Variants in KCNU1 observed in about 807,000 individuals in gnomAD.
KCNU1 encodes potassium channel subfamily U member 1.
In KCNU1, 93 loss-of-function variants were observed where a neutral mutation model predicts 126.8. The ratio of observed to expected loss-of-function variants is 0.73; its 90% CI spans 0.62 to 0.87. KCNU1 has a LOEUF of 0.87. KCNU1 is among the 40% of genes least tolerant of loss of function. The pLI, the probability that KCNU1 is intolerant of heterozygous loss-of-function variation, is 0.00. For synonymous variants in KCNU1, 523 were observed against 494.2 expected, an observed-to-expected ratio of 1.06 and a Z score of -0.77; for missense variants, 1,330 against 1,367.1, an observed-to-expected ratio of 0.97 and a Z score of 0.43.
chr8:36,811,325 A>G (rs1803702131), intron 7 of KCNU1, among the ~76,000 whole-genome samples: 1 of 152,124 alleles, frequency 6.6e-6, no homozygotes, highest in African/African-American at 2.4e-5. Flanking sequence ...TTCTAATCAT[A>G]TATTGGAGCA....
intron 26 of KCNU1, among the ~76,000 whole-genome samples, chr8:36,934,573 T>C (rs1230541665): frequency 2.6e-5 from 4 of 152,172 alleles, no homozygotes; most frequent in African/African-American, 9.6e-5. Context: ...GAAAAATTGA[T>C]ATTTTTGTTT....
chr8:36,905,840 T>G, intron 20 of KCNU1, 36 bp downstream of exon 20: 1 of 1,010,410 alleles, frequency 9.9e-7, no homozygotes, highest in Non-Finnish European at 1.5e-6. Context: ...TCAAATAAGA[T>G]AAAGCATTTC....
intron 10 of KCNU1, among the ~76,000 whole-genome samples, chr8:36,821,747 G>T (rs752014676): frequency 1.4e-4 from 22 of 152,010 alleles, no homozygotes; most frequent in Non-Finnish European, 2.5e-4. Flanking sequence ...TTATGATGGT[G>T]CAAAAGTCAT....
chr8:36,837,943 T>C (rs1041257128), intron 14 of KCNU1, among the ~76,000 whole-genome samples: 2 of 152,224 alleles, frequency 1.3e-5, no homozygotes, highest in African/African-American at 4.8e-5. Flanking sequence ...GTACAAATAT[T>C]TGCATCTTTT....
At chr8:36,891,332 C>T (rs1806953854) in intron 19 of KCNU1, among the ~76,000 whole-genome samples, 2 of 151,984 alleles carry the variant, frequency 1.3e-5, no homozygotes, top group African/African-American at 4.8e-5. Flanking sequence ...CTTTGCCCAA[C>T]TTTATGCTAT....
intron 24 of KCNU1, among the ~76,000 whole-genome samples, chr8:36,927,725 A>G (rs1808575794): frequency 6.6e-6 from 1 of 152,200 alleles, no homozygotes. Context: ...GACAGGAACC[A>G]CAACATTCAC....
chr8:36,915,512 C>G (rs1278003157), intron 22 of KCNU1, among the ~76,000 whole-genome samples: 2 of 152,218 alleles, frequency 1.3e-5, no homozygotes, highest in African/African-American at 4.8e-5. Context: ...GCAGCCAGAG[C>G]TCTTTTACAC....
At chr8:36,856,694 T>C (rs1444281686) in intron 18 of KCNU1, among the ~76,000 whole-genome samples, 1 of 152,182 alleles carries the variant, frequency 6.6e-6, no homozygotes, top group African/African-American at 2.4e-5. Context: ...CCTATTATTG[T>C]TTTTTATTAT....
chr8:36,868,171 C>T (rs943377074), intron 19 of KCNU1, among the ~76,000 whole-genome samples: 3 of 152,118 alleles, frequency 2.0e-5, no homozygotes, highest in Non-Finnish European at 4.4e-5. Context: ...AGGTGACTTA[C>T]GTACCGTGTT....
intron 10 of KCNU1, among the ~76,000 whole-genome samples, chr8:36,821,783 G>A (rs952155813): frequency 6.6e-5 from 10 of 151,892 alleles, no homozygotes; most frequent in African/African-American, 2.4e-4. Context: ...ACCATATTTT[G>A]TATACTCACT....
intron 2 of KCNU1, among the ~76,000 whole-genome samples, chr8:36,800,906 T>C (rs1386898779): frequency 6.6e-6 from 1 of 152,142 alleles, no homozygotes; most frequent in African/African-American, 2.4e-5. Flanking sequence ...TGTGCACCAA[T>C]GTGCTTCAAC....
At chr8:36,857,080 G>A (rs1805552498) in intron 18 of KCNU1, among the ~76,000 whole-genome samples, 1 of 152,190 alleles carries the variant, frequency 6.6e-6, no homozygotes, top group South Asian at 2.1e-4. Flanking sequence ...AGGATGGTGG[G>A]TGGTGTTGGA....
chr8:36,899,895 G>C (rs1310130047), intron 19 of KCNU1, among the ~76,000 whole-genome samples: 1 of 152,136 alleles, frequency 6.6e-6, no homozygotes, highest in African/African-American at 2.4e-5. Flanking sequence ...GGGCAACAGA[G>C]TGACCAGTTT....
chr8:36,885,591 G>A (rs968418965), intron 19 of KCNU1, among the ~76,000 whole-genome samples: 2 of 151,872 alleles, frequency 1.3e-5, no homozygotes, highest in African/African-American at 2.4e-5. Context: ...TCAGGAGTTC[G>A]AGACCAGCCT....
intron 19 of KCNU1, among the ~76,000 whole-genome samples, chr8:36,891,190 T>A (rs1358918013): frequency 3.3e-5 from 5 of 151,972 alleles, no homozygotes; most frequent in Non-Finnish European, 2.9e-5. Context: ...TTGTGATTTC[T>A]TTTAGAGTAT....
chr8:36,867,388 A>C (rs903248284), intron 19 of KCNU1, among the ~76,000 whole-genome samples: 1 of 152,174 alleles, frequency 6.6e-6, no homozygotes, highest in Non-Finnish European at 1.5e-5. Flanking sequence ...AGAGGAGAGA[A>C]TGCACAGTAG....
At chr8:36,826,927 A>G (rs1804347915) in intron 10 of KCNU1, among the ~76,000 whole-genome samples, 1 of 152,158 alleles carries the variant, frequency 6.6e-6, no homozygotes, top group South Asian at 2.1e-4. Flanking sequence ...GTATTTCAAC[A>G]AAATACGCAT....
intron 10 of KCNU1, among the ~76,000 whole-genome samples, chr8:36,828,278 A>G (rs1804398999): frequency 6.6e-6 from 1 of 152,074 alleles, no homozygotes; most frequent in South Asian, 2.1e-4. Flanking sequence ...TTGGTTATTT[A>G]TGTTACTAGT....
chr8:36,787,426 G>A lies in KCNU1; in HGVS notation c.315+1G>A. ...CCAGACCTTTGTGGGGCAAGTGTTGGTAAGTACATTTTCAGTGTTAGCTTG... is the reference window on the plus strand; with the variant it reads ...CCAGACCTTTGTGGGGCAAGTGTTGATAAGTACATTTTCAGTGTTAGCTTG... On this transcript the variant is annotated splice_donor_variant, in intron 2 of 26. Transcript: ENST00000399881. LOFTEE classifies it high-confidence loss of function. 1 of 1,605,494 alleles carries A rather than the reference G, an allele frequency of 6.2e-7. No homozygotes were observed. The highest frequency in any genetic ancestry group is 8.5e-7 in the Non-Finnish European group (1 of 1,175,500).
Sources: allele counts gnomAD v4.1 joint callset (sites outside exome capture counted in the v4.1 genomes callset), GRCh38; gene constraint gnomAD v4.1.1; transcripts MANE v1.5; gene names NCBI Gene and HGNC (gene_info 2026-07-23, HGNC 2026-07-21).